The following UBXN4 variants were observed in gnomAD, a reference collection of about 807,000 sequenced individuals.
UBXN4 encodes the protein UBX domain-containing protein 4.
UBXN4 carries 35 observed loss-of-function variants against 66.2 expected under a neutral mutation model. The observed-to-expected ratio is 0.53, with a 90% CI of 0.40 to 0.70. UBXN4 has a LOEUF of 0.70. Among genes scored for constraint, UBXN4 ranks in the 30% least tolerant of loss-of-function variants. UBXN4 has a pLI of 0.00. For synonymous variants in UBXN4, 203 were observed against 204.5 expected (o/e 0.99, Z 0.06); for missense variants, 533 against 599.8 (o/e 0.89, Z 1.16).
chr2:135,770,805 A>T, intron 8 of UBXN4, 70 bp downstream of exon 8: 2 of 1,312,730 alleles, frequency 1.5e-6, no homozygotes, highest in East Asian at 5.9e-5. Flanking sequence ...TTACTACCAG[A>T]CTGTGCACAC....
At chr2:135,747,676 C>A (rs1435709517) in intron 1 of UBXN4, 2 of 456,088 alleles carry the variant, frequency 4.4e-6, no homozygotes, top group Non-Finnish European at 8.8e-6. Flanking sequence ...ACTGTGTCAC[C>A]CAGGCTGGAG....
chr2:135,753,409 G>A lies in UBXN4; in HGVS notation c.186-130G>A, dbSNP rs943104778. ...GAATTATATTTTTCTCCTTCAACCT[G>A]ATTGCTGTGAAAGAAACTGGTAGTT... On this transcript the variant is annotated intron_variant, in intron 2 of 12. Coordinates refer to ENST00000272638, the MANE Select transcript of UBXN4 (RefSeq NM_014607.4). The A allele has an allele frequency of 6.4e-6, 4 of 625,438 alleles. No homozygotes were observed. In the African/African-American group the frequency reaches 7.8e-5, roughly 12 times the overall value. 38.7% of individuals were successfully genotyped at this position (625,438 alleles called of 1,614,324 possible).
intron 3 of UBXN4, 29 bp from the exon 4 acceptor site, chr2:135,754,130 G>T: frequency 6.7e-7 from 1 of 1,501,668 alleles, no homozygotes; most frequent in South Asian, 1.2e-5. Context: ...CGTTTCACAT[G>T]AATTGTTAGA....
Position 135,755,643 on chromosome 2 carries a change from C to G in UBXN4, c.460C>G (p.Leu154Val). Residue 154 changes from leucine (L) to valine (V), a missense_variant, in exon 5 of 13, where the codon CTT becomes GTT. By Grantham distance (32) the Leu-to-Val change is conservative. Transcript: ENST00000272638. ...CENSQSRNAE[L>V]CEIPPTSDTK... ...AAACTCTCAGTCCAGAAATGCAGAG[C>G]TTTGTGAGATACCACCCACTTCTGA... The G allele has an allele frequency of 1.9e-6, 3 of 1,601,172 alleles. No individual in the cohort carries two copies. Among genetic ancestry groups the G allele is most frequent in the Non-Finnish European group, 2.6e-6 (3 of 1,173,612 alleles).
chr2:135,772,338 A>G (rs867468950), intron 8 of UBXN4, 82 bp from the exon 9 acceptor site: 42 of 1,536,580 alleles, frequency 2.7e-5, no homozygotes, highest in Middle Eastern at 3.5e-4. Flanking sequence ...AAAAAAAAAA[A>G]ATTCCATGCA....
chr2:135,776,490 T>C (rs1007931868), intron 10 of UBXN4, 139 bp downstream of exon 10: 22 of 639,538 alleles, frequency 3.4e-5, no homozygotes, highest in Non-Finnish European at 5.5e-5. Context: ...CTCTGAGATA[T>C]TGTGGAAATT....
chr2:135,761,718 G>A, intron 5 of UBXN4, 100 bp from the exon 6 acceptor site: 1 of 1,010,548 alleles, frequency 9.9e-7, no homozygotes, highest in South Asian at 2.0e-5. Context: ...TAATGCTTAA[G>A]ATATAAAATT....
intron 1 of UBXN4, among the ~76,000 whole-genome samples, chr2:135,743,443 A>G (rs2077189829): frequency 6.6e-6 from 1 of 152,234 alleles, no homozygotes; most frequent in Non-Finnish European, 1.5e-5. Flanking sequence ...TTCTCCTAAT[A>G]TCTCAGTTGA....
At position 135,761,864 on chromosome 2, in the gene UBXN4, A is replaced by G. The variant is rs1209222726; in HGVS notation, c.555A>G (p.Gly185=). 1 of 1,613,790 alleles carries G rather than the reference A, an allele frequency of 6.2e-7. No individual in the cohort carries two copies. The highest frequency in any genetic ancestry group is 8.5e-7 in the Non-Finnish European group (1 of 1,179,906). ...GHATSSQEPS[G]CSDQRPAEDL... is the part of the protein sequence containing the mutation. ...CCACTTCCTCTCAGGAGCCTAGTGG[A>G]TGCTCAGATCAGAGACCTGCAGAGG... The change falls in exon 6 of 13, where the codon GGA becomes GGG. Residue 185 remains glycine, a synonymous_variant. Transcript: ENST00000272638.
intron 6 of UBXN4, among the ~76,000 whole-genome samples, chr2:135,769,411 T>TA (rs1553648727): frequency 7.3e-4 from 110 of 150,670 alleles, no homozygotes; most frequent in Non-Finnish European, 1.1e-3. Context: ...TTTTTTTTTT[T>TA]ACCATAGTGC....
At position 135,775,847 on chromosome 2, in the gene UBXN4, A is replaced by G. The variant is rs953461372; in HGVS notation, c.951-402A>G. 2.0e-5 allele frequency among the ~76,000 whole-genome samples: 3 copies of G among 152,058 alleles called. No individual in the cohort carries two copies. The East Asian group carries it at 5.8e-4, about 29-fold the overall frequency. On this transcript the variant is annotated intron_variant, in intron 9 of 12. Transcript: ENST00000272638. Reference sequence around the variant, plus strand: ...GGTGGCATGATCTCGGCTTACTGCAACCTACACCTCCCGGGTTCAAGCCAT... The same window carrying G: ...GGTGGCATGATCTCGGCTTACTGCAGCCTACACCTCCCGGGTTCAAGCCAT...
intron 2 of UBXN4, among the ~76,000 whole-genome samples, chr2:135,751,082 T>A (rs2077238491): frequency 6.7e-6 from 1 of 148,590 alleles, no homozygotes; most frequent in Non-Finnish European, 1.5e-5. Context: ...CTCGATCTCC[T>A]GACCTCGTGA....
chr2:135,769,165 CTAATTTT>C (rs1386094567), intron 6 of UBXN4, among the ~76,000 whole-genome samples: 1 of 152,102 alleles, frequency 6.6e-6, no homozygotes, highest in African/African-American at 2.4e-5. Context: ...CCATGCCTGG[CTAATTTT>C]TGTGTTTTCT....
intron 2 of UBXN4, among the ~76,000 whole-genome samples, chr2:135,751,652 T>A (rs10179550): frequency 0.97 from 146,885 of 151,124 alleles, 71,502 homozygotes; most frequent in Non-Finnish European, 1. Context: ...TGTTTTGGGA[T>A]CATTTTAGTG....
chr2:135,778,860 A>T, intron 10 of UBXN4, 88 bp from the exon 11 acceptor site: 1 of 1,329,646 alleles, frequency 7.5e-7, no homozygotes, highest in Non-Finnish European at 1.0e-6. Context: ...AAATTAAGGC[A>T]ATGTTAATTA....
intron 6 of UBXN4, among the ~76,000 whole-genome samples, chr2:135,762,469 AC>A (rs1212750615): frequency 6.6e-6 from 1 of 152,098 alleles, no homozygotes; most frequent in Non-Finnish European, 1.5e-5. Flanking sequence ...CCTGATTTAA[AC>A]CCCTTTAGCG....
intron 5 of UBXN4, 102 bp downstream of exon 5, chr2:135,755,793 C>T: frequency 1.3e-6 from 1 of 769,682 alleles, no homozygotes. Context: ...TATTTTTCTT[C>T]ACATTTATTT....
rs77309617 is a variant in UBXN4 at position 135,749,269 on chromosome 2, G to T, written c.185+900G>T. 3.8e-3 allele frequency among the ~76,000 whole-genome samples: 583 copies of T among 152,282 alleles called. 1 individual carries two copies. Among genetic ancestry groups the T allele is most frequent in the Non-Finnish European group, 7.0e-3 (475 of 68,020 alleles). ...GGTAAATCATACATTGAATATCTCT[G>T]AGAGGTTGATCACTTACTGTCTTGA... is the stretch of plus-strand genomic sequence containing the variant. On this transcript the variant is annotated intron_variant, in intron 2 of 12. Coordinates refer to ENST00000272638, the MANE Select transcript of UBXN4 (RefSeq NM_014607.4).
chr2:135,763,415 G>C (rs1380020031), intron 6 of UBXN4, among the ~76,000 whole-genome samples: 5 of 152,178 alleles, frequency 3.3e-5, no homozygotes, highest in African/African-American at 1.2e-4. Flanking sequence ...AGTCCCTGTT[G>C]TGTAATCTGA....
Sources: gnomAD v4.1 joint callset for allele counts (sites outside exome capture counted in the v4.1 genomes callset) on GRCh38, gnomAD v4.1.1 for gene constraint, MANE v1.5 for transcripts, NCBI Gene and HGNC (gene_info 2026-07-23, HGNC 2026-07-21) for gene names.